Variants in LPA observed in about 807,000 individuals in gnomAD.
LPA encodes the protein lipoprotein(a).
Under a neutral mutation model 197.9 loss-of-function variants are expected in LPA, and 199 were observed. The observed-to-expected ratio is 1.01, with a 90% CI of 0.90 to 1.13. The LOEUF is 1.13. LPA is among the 50% of genes most tolerant of loss of function. LPA has a pLI of 0.00. For synonymous variants in LPA, 715 were observed against 639.5 expected (o/e 1.12, Z -1.78); for missense variants, 1,853 against 1,785.8 (o/e 1.04, Z -0.68).
chr6:160,553,958 C>T lies in LPA; in HGVS notation c.4973+2067G>A, dbSNP rs61009682. Among the ~76,000 whole-genome samples the T allele has an allele frequency of 9.4e-3, 328 of 34,722 alleles. 3 individuals are homozygous for T. Among genetic ancestry groups the T allele is most frequent in the African/African-American group, 0.025 (274 of 11,004 alleles). 22.8% of individuals were successfully genotyped at this position (34,722 alleles called of 152,430 possible). On this transcript the variant is annotated intron_variant, in intron 30 of 38. Transcript: ENST00000316300. ...CTCTCTGTGTGTGTGTGTGTGTGCG[C>T]GCGCGCGCGTGTGCGTGTGTGTGTG... is the stretch of plus-strand genomic sequence containing the variant.
intron 16 of LPA, among the ~76,000 whole-genome samples, chr6:160,610,018 A>C (rs1056806192): frequency 6.6e-6 from 1 of 152,142 alleles, no homozygotes; most frequent in African/African-American, 2.4e-5. Flanking sequence ...TTGATATGAT[A>C]CCTGCTTTGT....
At chr6:160,598,714 G>A (rs191138253) in intron 20 of LPA, among the ~76,000 whole-genome samples, 55 of 152,234 alleles carry the variant, frequency 3.6e-4, no homozygotes, top group African/African-American at 1.2e-3. Context: ...TGGGCAGACC[G>A]TATCTCTTCA....
Position 160,660,379 on chromosome 6 carries a change from C to G in LPA, c.49+3787G>C, listed in dbSNP as rs145564009. On this transcript the variant is annotated intron_variant, in intron 1 of 38. Transcript: ENST00000316300. ...AGGACTTGGGTAATCTCTGGGGTTTCAGATTCTCCAGACCTCCATTCTCTC... is the reference window on the plus strand; with the variant it reads ...AGGACTTGGGTAATCTCTGGGGTTTGAGATTCTCCAGACCTCCATTCTCTC... 8.5e-5 allele frequency among the ~76,000 whole-genome samples: 13 copies of G among 152,324 alleles called. No individual in the cohort carries two copies. In the East Asian group the frequency reaches 2.3e-3, roughly 27 times the overall value.
In LPA at chr6:160,605,119, C is replaced by T. The variant is rs753810486; in HGVS notation, c.2872G>A (p.Gly958Arg). The T allele has an allele frequency of 6.2e-7, 1 of 1,613,956 alleles. No homozygotes were observed. Among genetic ancestry groups the T allele is most frequent in the Non-Finnish European group, 8.5e-7 (1 of 1,179,846 alleles). Reference protein sequence around the residue: ...YQGTYFITVTGRTCQAWSSMT... With the variant: ...YQGTYFITVTRRTCQAWSSMT... The stretch of plus-strand genomic sequence containing the variant: ...GATGACCAAGCTTGGCAGGTTCTTC[C>T]TGTGACAGTAATGAAGTATGTGCCT... The change falls in exon 18 of 39, where the codon GGA (glycine) becomes AGA (arginine). Residue 958 changes from glycine to arginine, a missense_variant. Coordinates refer to ENST00000316300, the MANE Select transcript of LPA (RefSeq NM_005577.4).
intron 17 of LPA, 107 bp from the exon 18 acceptor site, chr6:160,605,312 C>G (rs1274231630): frequency 5.4e-6 from 7 of 1,294,298 alleles, no homozygotes; most frequent in Non-Finnish European, 7.8e-6. Flanking sequence ...ATTATGACCT[C>G]AGGAGAATAT....
chr6:160,663,201 CT>C (rs1341247505), intron 1 of LPA, among the ~76,000 whole-genome samples: 1 of 152,222 alleles, frequency 6.6e-6, no homozygotes, highest in African/African-American at 2.4e-5. Context: ...AGACTTCTCT[CT>C]TCTTAATTGG....
intron 2 of LPA, among the ~76,000 whole-genome samples, chr6:160,648,036 T>C (rs1354270204): frequency 6.6e-6 from 1 of 152,230 alleles, no homozygotes; most frequent in Non-Finnish European, 1.5e-5. Context: ...TCCGGTTTCT[T>C]TGTTTAGGGG....
intron 2 of LPA, among the ~76,000 whole-genome samples, chr6:160,647,888 A>T (rs1779930168): frequency 6.6e-6 from 1 of 152,232 alleles, no homozygotes; most frequent in South Asian, 2.1e-4. Flanking sequence ...TAGCATTTTC[A>T]TCTACATTTG....
At chr6:160,563,362 T>C (rs1395080624) in intron 28 of LPA, among the ~76,000 whole-genome samples, 2 of 152,216 alleles carry the variant, frequency 1.3e-5, no homozygotes, top group South Asian at 2.1e-4. Context: ...TCAGTTTCCA[T>C]ATAGTTGTGT....
chr6:160,535,789 G>A (rs1253885029), intron 37 of LPA, among the ~76,000 whole-genome samples: 1 of 152,044 alleles, frequency 6.6e-6, no homozygotes, highest in Admixed American at 6.6e-5. Context: ...ATGAGAAAGC[G>A]GAGGCTAAAA....
chr6:160,578,728 G>T (rs1406509821), intron 26 of LPA, 24 bp from the exon 27 acceptor site: 2 of 1,613,444 alleles, frequency 1.2e-6, no homozygotes, highest in East Asian at 2.2e-5. Context: ...AACAACACAG[G>T]TCACCAGAGA....
intron 30 of LPA, among the ~76,000 whole-genome samples, chr6:160,555,240 T>TTATATTATAA (rs1176712213): frequency 6.5e-5 from 5 of 77,104 alleles, no homozygotes; most frequent in Admixed American, 6.1e-4. Flanking sequence ...TATATATTAA[T>TTATATTATAA]TATATTATAT....
At chr6:160,589,815 G>T (rs1373881971) in intron 23 of LPA, 103 bp from the exon 24 acceptor site, 1 of 1,345,898 alleles carries the variant, frequency 7.4e-7, no homozygotes. Context: ...TGAAAATGAC[G>T]ACCATGCTCT....
chr6:160,647,512 G>A (rs1322632846), intron 2 of LPA, among the ~76,000 whole-genome samples: 4 of 152,156 alleles, frequency 2.6e-5, no homozygotes, highest in Admixed American at 6.5e-5. Flanking sequence ...CTCATTCAAT[G>A]AGCAACTGGA....
chr6:160,659,294 G>A (rs1780183019), intron 1 of LPA, among the ~76,000 whole-genome samples: 1 of 152,164 alleles, frequency 6.6e-6, no homozygotes, highest in South Asian at 2.1e-4. Context: ...GGGCACACTG[G>A]GGTGTGAGTA....
At chr6:160,593,787 G>A (rs1186352249) in intron 22 of LPA, among the ~76,000 whole-genome samples, 171 bp downstream of exon 22, 1 of 152,156 alleles carries the variant, frequency 6.6e-6, no homozygotes, top group Non-Finnish European at 1.5e-5. Context: ...GAGCTGGCCT[G>A]ACATTTCTCT....
At chr6:160,577,542 C>A (rs1778707819) in intron 27 of LPA, among the ~76,000 whole-genome samples, 2 of 152,146 alleles carry the variant, frequency 1.3e-5, no homozygotes, top group Admixed American at 1.3e-4. Context: ...TTGGAAATTA[C>A]ATTCATGTGC....
intron 16 of LPA, among the ~76,000 whole-genome samples, chr6:160,608,517 T>G (rs1362578187): frequency 6.6e-6 from 1 of 152,178 alleles, no homozygotes; most frequent in Non-Finnish European, 1.5e-5. Flanking sequence ...CATAAGAAGT[T>G]TCTTGTTATT....
intron 20 of LPA, among the ~76,000 whole-genome samples, chr6:160,598,752 T>C (rs1276173285): frequency 6.6e-6 from 1 of 152,160 alleles, no homozygotes; most frequent in East Asian, 1.9e-4. Flanking sequence ...ACCAAGTGTG[T>C]TTGTACCCAT....
Sources: allele counts gnomAD v4.1 joint callset (sites outside exome capture counted in the v4.1 genomes callset), GRCh38; gene constraint gnomAD v4.1.1; transcripts MANE v1.5; gene names NCBI Gene and HGNC (gene_info 2026-07-23, HGNC 2026-07-21).